C11orf97: variants seen among roughly 807,000 people sequenced by gnomAD.
C11orf97 encodes the protein chromosome 11 open reading frame 97, also known as uncharacterized protein C11orf97.
Under a neutral mutation model 16.2 loss-of-function variants are expected in C11orf97, and 15 were observed. The ratio of observed to expected loss-of-function variants is 0.93; its 90% CI spans 0.62 to 1.43. The LOEUF is 1.43. Ranked by LOEUF, C11orf97 falls within the 40% of genes most tolerant of loss-of-function variation. The probability of loss-of-function intolerance (pLI) is 0.00; values close to 1 mark genes in which losing one functional copy is unlikely to be tolerated. For missense variants in C11orf97, 171 were observed against 161.2 expected, an observed-to-expected ratio of 1.06 and a Z score of -0.33; for synonymous variants, 61 against 65.7, an observed-to-expected ratio of 0.93 and a Z score of 0.34.
At chr11:94,523,847 A>T (rs1333327842) in intron 2 of C11orf97, among the ~76,000 whole-genome samples, 1 of 152,152 alleles carries the variant, frequency 6.6e-6, no homozygotes, top group African/African-American at 2.4e-5. Flanking sequence ...ATAGTTAATA[A>T]GGGCTGTGAA....
intron 1 of C11orf97, 46 bp downstream of exon 1, chr11:94,512,719 G>C (rs1947579501): frequency 1.6e-6 from 2 of 1,234,108 alleles, no homozygotes; most frequent in Non-Finnish European, 2.0e-6. Flanking sequence ...GAGGGGCGTG[G>C]AGAACGAGTG....
At chr11:94,530,658 C>T (rs1205070202) in intron 3 of C11orf97, among the ~76,000 whole-genome samples, 1 of 152,158 alleles carries the variant, frequency 6.6e-6, no homozygotes, top group African/African-American at 2.4e-5. Context: ...AATGAATGAA[C>T]CAGTAAGTAT....
chr11:94,516,621 T>C (rs1203118632), intron 1 of C11orf97, among the ~76,000 whole-genome samples: 1 of 101,204 alleles, frequency 9.9e-6, no homozygotes, highest in Non-Finnish European at 2.2e-5. Flanking sequence ...ACACAAATAA[T>C]TGTGTATAAA....
chr11:94,513,355 A>G (rs1001030105), intron 1 of C11orf97, among the ~76,000 whole-genome samples: 1 of 152,206 alleles, frequency 6.6e-6, no homozygotes, highest in African/African-American at 2.4e-5. Context: ...CCAGGTTGTT[A>G]TTCACCCATA....
At chr11:94,521,577 C>T (rs895621737) in intron 2 of C11orf97, among the ~76,000 whole-genome samples, 4 of 152,140 alleles carry the variant, frequency 2.6e-5, no homozygotes, top group Non-Finnish European at 5.9e-5. Flanking sequence ...CGTCGTAAGT[C>T]GAGGAGGATC....
chr11:94,530,673 T>G (rs2135187095), intron 3 of C11orf97, among the ~76,000 whole-genome samples: 1 of 152,322 alleles, frequency 6.6e-6, no homozygotes, highest in South Asian at 2.1e-4. Flanking sequence ...AAGTATATGT[T>G]AAATGCCTCT....
intron 2 of C11orf97, among the ~76,000 whole-genome samples, chr11:94,521,176 G>C (rs1947654787): frequency 6.6e-6 from 1 of 152,172 alleles, no homozygotes; most frequent in South Asian, 2.1e-4. Flanking sequence ...TTGTCCTCCA[G>C]GTCACCTTCT....
intron 2 of C11orf97, among the ~76,000 whole-genome samples, chr11:94,525,741 G>A (rs1004496637): frequency 2.0e-5 from 3 of 152,166 alleles, no homozygotes; most frequent in African/African-American, 7.2e-5. Context: ...AAGTACAGAC[G>A]ATATGGCTCT....
chr11:94,515,308 AAAC>A (rs1389508780), intron 1 of C11orf97, among the ~76,000 whole-genome samples: 4 of 151,820 alleles, frequency 2.6e-5, no homozygotes, highest in African/African-American at 7.3e-5. Context: ...AAAAAACAAA[AAAC>A]AACAAAAAAA....
At chr11:94,531,818 T>G (rs1947741491) in intron 3 of C11orf97, 78 bp from the exon 4 acceptor site, 1 of 1,190,920 alleles carries the variant, frequency 8.4e-7, no homozygotes, top group Non-Finnish European at 1.1e-6. Flanking sequence ...AAGTCAAATT[T>G]AGATTAAAAT....
chr11:94,524,324 C>T (rs1160086968), intron 2 of C11orf97, among the ~76,000 whole-genome samples: 1 of 152,038 alleles, frequency 6.6e-6, no homozygotes, highest in East Asian at 1.9e-4. Context: ...GATGTTGTTG[C>T]TATTAGCCAT....
chr11:94,518,400 T>A (rs908774967), intron 2 of C11orf97, among the ~76,000 whole-genome samples: 4 of 117,696 alleles, frequency 3.4e-5, no homozygotes, highest in Admixed American at 8.1e-5. Context: ...TTTGGCACAG[T>A]ATGTCTGCAG....
intron 1 of C11orf97, among the ~76,000 whole-genome samples, chr11:94,512,944 A>AACACACAC (rs10560506): frequency 5.3e-5 from 8 of 150,662 alleles, no homozygotes; most frequent in African/African-American, 2.0e-4. Flanking sequence ...GAAAGGAATT[A>AACACACAC]ACACACACAC....
At chr11:94,529,700 T>G (rs1947724419) in intron 3 of C11orf97, among the ~76,000 whole-genome samples, 1 of 152,202 alleles carries the variant, frequency 6.6e-6, no homozygotes, top group African/African-American at 2.4e-5. Context: ...CCAACACTAC[T>G]GGGCCATCAT....
chr11:94,525,701 A>T (rs1048592655), intron 2 of C11orf97, among the ~76,000 whole-genome samples: 13 of 152,202 alleles, frequency 8.5e-5, no homozygotes, highest in African/African-American at 3.1e-4. Flanking sequence ...TTCTTTCTGT[A>T]GTCAAACTCT....
At chr11:94,526,145 ATGCACATGCCC>A (rs1046003596) in intron 2 of C11orf97, among the ~76,000 whole-genome samples, 1 of 152,172 alleles carries the variant, frequency 6.6e-6, no homozygotes, top group Admixed American at 6.5e-5. Flanking sequence ...TCCTTCTGGA[ATGCACATGCCC>A]TGAGCTGAGG....
intron 3 of C11orf97, among the ~76,000 whole-genome samples, chr11:94,530,015 G>A (rs746443553): frequency 9.2e-5 from 14 of 152,072 alleles, no homozygotes; most frequent in East Asian, 5.8e-4. Context: ...GGTTTTCTGC[G>A]TGCATATTAT....
intron 2 of C11orf97, among the ~76,000 whole-genome samples, 196 bp from the exon 3 acceptor site, chr11:94,527,888 G>A (rs1227703042): frequency 6.6e-6 from 1 of 152,038 alleles, no homozygotes; most frequent in Non-Finnish European, 1.5e-5. Context: ...AGGTTTAATT[G>A]CATAGAGAAT....
intron 2 of C11orf97, among the ~76,000 whole-genome samples, chr11:94,518,072 C>T (rs1947625536): frequency 1.4e-5 from 2 of 146,970 alleles, no homozygotes; most frequent in Non-Finnish European, 3.0e-5. Flanking sequence ...TGGCGTGAAC[C>T]GGGAGGCAGA....
Sources: gnomAD v4.1 joint callset for allele counts (sites outside exome capture counted in the v4.1 genomes callset) on GRCh38, gnomAD v4.1.1 for gene constraint, MANE v1.5 for transcripts, NCBI Gene and HGNC (gene_info 2026-07-23, HGNC 2026-07-21) for gene names.